The following POLR1D variants were observed in gnomAD, a reference collection of about 807,000 sequenced individuals.
POLR1D encodes the protein DNA-directed RNA polymerases I and III subunit RPAC2.
A neutral mutation model predicts 10.8 loss-of-function variants in POLR1D; 8 were observed. The ratio of observed to expected loss-of-function variants is 0.74; its 90% confidence interval spans 0.43 to 1.33. The LOEUF (loss-of-function observed/expected upper bound fraction) is 1.33. Ranked by LOEUF, POLR1D falls within the 40% of genes most tolerant of loss-of-function variation. The pLI is 0.01. For synonymous variants in POLR1D, 54 were observed against 57.2 expected (o/e 0.94, Z 0.25); for missense variants, 152 against 161.7 (o/e 0.94, Z 0.32).
chr13:27,628,308 C>T (rs148766556), downstream of POLR1D, among the ~76,000 whole-genome samples: 6 of 152,276 alleles, frequency 3.9e-5, no homozygotes, highest in Admixed American at 6.5e-5. Context: ...ACATACTATA[C>T]GGAGGCACAG....
At chr13:27,632,765 AC>A (rs760192119) in intron 1 of POLR1D, among the ~76,000 whole-genome samples, 10 of 151,964 alleles carry the variant, frequency 6.6e-5, no homozygotes, top group Non-Finnish European at 1.0e-4. Context: ...TACCCCTCAA[AC>A]ACACACACTG....
At chr13:27,642,322 G>A (rs778544083) in intron 1 of POLR1D, among the ~76,000 whole-genome samples, 13 of 152,144 alleles carry the variant, frequency 8.5e-5, no homozygotes, top group Non-Finnish European at 1.5e-4. Flanking sequence ...GTCAGTGTCT[G>A]TGGTTTCCCA....
chr13:27,625,721 A>G (rs1054252095), downstream of POLR1D, among the ~76,000 whole-genome samples: 8 of 152,104 alleles, frequency 5.3e-5, no homozygotes, highest in Non-Finnish European at 1.0e-4. Flanking sequence ...AGGCAACTTC[A>G]GTATTTAAAG....
At chr13:27,665,438 A>G (rs1956406093) in intron 2 of POLR1D, 3 of 521,974 alleles carry the variant, frequency 5.7e-6, no homozygotes, top group Non-Finnish European at 1.0e-5. Context: ...TCAGTAGGAA[A>G]TTTAGTCCCA....
At chr13:27,622,276 G>A (rs1360649878) in intron 1 of POLR1D, 1 of 569,470 alleles carries the variant, frequency 1.8e-6, no homozygotes, top group African/African-American at 1.9e-5. Context: ...TAAAAATCAC[G>A]CCCCGGGCCT....
At chr13:27,643,215 T>A (rs1253306133) in intron 1 of POLR1D, among the ~76,000 whole-genome samples, 1 of 152,216 alleles carries the variant, frequency 6.6e-6, no homozygotes, top group Non-Finnish European at 1.5e-5. Context: ...AAGTGCGTAA[T>A]GTAGATTAGC....
chr13:27,647,460 T>G (rs1365452446), intron 1 of POLR1D, among the ~76,000 whole-genome samples: 2 of 152,038 alleles, frequency 1.3e-5, no homozygotes, highest in Non-Finnish European at 2.9e-5. Flanking sequence ...TGGCTTCAGG[T>G]GATCCTCTCA....
chr13:27,647,433 G>T (rs1047091703), intron 1 of POLR1D, among the ~76,000 whole-genome samples: 1 of 151,708 alleles, frequency 6.6e-6, no homozygotes, highest in Non-Finnish European at 1.5e-5. Context: ...ATGTTGCCCA[G>T]GCTGGTCTCA....
chr13:27,655,457 T>G (rs1349769017), intron 2 of POLR1D, among the ~76,000 whole-genome samples: 1 of 152,188 alleles, frequency 6.6e-6, no homozygotes, highest in Non-Finnish European at 1.5e-5. Context: ...TGGTTGCCTT[T>G]TGTTTGGGAT....
chr13:27,621,300 A>G (rs1434136506), upstream of POLR1D: 1 of 152,386 alleles, frequency 6.6e-6, no homozygotes, highest in Non-Finnish European at 1.5e-5. Flanking sequence ...TCACTCCCCC[A>G]AAAGAGACAT....
downstream of POLR1D, among the ~76,000 whole-genome samples, chr13:27,625,909 A>G (rs1361108343): frequency 2.0e-5 from 3 of 152,190 alleles, no homozygotes; most frequent in Admixed American, 2.0e-4. Flanking sequence ...CTGCCTAAGA[A>G]GAGTAAACAT....
chr13:27,639,487 T>C (rs1956156301), intron 1 of POLR1D, among the ~76,000 whole-genome samples: 2 of 152,208 alleles, frequency 1.3e-5, no homozygotes, highest in Non-Finnish European at 2.9e-5. Context: ...TCATAGCTTA[T>C]ATAAAAATTT....
intron 2 of POLR1D, among the ~76,000 whole-genome samples, chr13:27,649,498 T>C (rs978184234): frequency 6.6e-6 from 1 of 152,202 alleles, no homozygotes; most frequent in African/African-American, 2.4e-5. Context: ...AGTAATAATA[T>C]TGGTATTGCT....
chr13:27,658,204 G>A lies in POLR1D; in HGVS notation c.102-7482G>A, dbSNP rs188548519. 4.5e-4 allele frequency among the ~76,000 whole-genome samples: 69 copies of A among 152,300 alleles called. No homozygotes were observed. In the East Asian group the frequency reaches 0.012, roughly 26 times the overall value. On this transcript the variant is annotated intron_variant, in intron 2 of 2. Coordinates refer to the POLR1D transcript ENST00000399697. ...GCTTTGGAGTTTTAAAGAGCTACCC[G>A]GGTGATTCTAAAGTGAACACAAATT... is the stretch of plus-strand genomic sequence containing the variant.
chr13:27,635,479 TA>T (rs139011066), intron 1 of POLR1D, among the ~76,000 whole-genome samples: 7,328 of 152,022 alleles, frequency 0.048, 273 homozygotes, highest in South Asian at 0.12. Context: ...CTTGGTTGCC[TA>T]AACAATAAAA....
chr13:27,629,472 T>A (rs890334214), intron 1 of POLR1D, among the ~76,000 whole-genome samples: 4 of 152,242 alleles, frequency 2.6e-5, no homozygotes, highest in African/African-American at 9.6e-5. Flanking sequence ...TATTGTAATA[T>A]CATTGATGTT....
intron 1 of POLR1D, among the ~76,000 whole-genome samples, chr13:27,635,752 T>C (rs888263162): frequency 6.9e-6 from 1 of 144,940 alleles, no homozygotes; most frequent in Non-Finnish European, 1.5e-5. Context: ...ATATATAAAT[T>C]GTATTTAATC....
intron 1 of POLR1D, chr13:27,648,057 A>G (rs1956235815): frequency 4.0e-6 from 1 of 251,444 alleles, no homozygotes; most frequent in Non-Finnish European, 7.8e-6. Flanking sequence ...AGATATATAC[A>G]TATTTGGCTG....
intron 1 of POLR1D, among the ~76,000 whole-genome samples, chr13:27,630,937 T>C (rs928536125): frequency 2.6e-5 from 4 of 152,168 alleles, no homozygotes; most frequent in Non-Finnish European, 4.4e-5. Flanking sequence ...TTCTCACTTT[T>C]ATGCATATAA....
Sources: allele counts gnomAD v4.1 joint callset (sites outside exome capture counted in the v4.1 genomes callset), GRCh38; gene constraint gnomAD v4.1.1; transcripts MANE v1.5; gene names NCBI Gene and HGNC (gene_info 2026-07-23, HGNC 2026-07-21).